TRIM2: variants seen among roughly 807,000 people sequenced by gnomAD.
TRIM2 encodes the protein tripartite motif containing 2, also known as tripartite motif-containing protein 2.
A neutral mutation model predicts 75.2 loss-of-function variants in TRIM2; 20 were observed. The ratio of observed to expected loss-of-function variants is 0.27; its 90% CI spans 0.19 to 0.39. TRIM2 has a LOEUF of 0.39. Among genes scored for constraint, TRIM2 ranks in the 10% least tolerant of loss-of-function variants. The pLI, the probability that TRIM2 is intolerant of heterozygous loss-of-function variation, is 1.00. For missense variants in TRIM2, 660 were observed against 990.8 expected, an observed-to-expected ratio of 0.67 and a Z score of 4.48; for synonymous variants, 373 against 388.3, an observed-to-expected ratio of 0.96 and a Z score of 0.46.
intron 8 of TRIM2, among the ~76,000 whole-genome samples, chr4:153,320,851 C>T (rs1411832680): frequency 1.3e-5 from 2 of 151,994 alleles, no homozygotes; most frequent in South Asian, 2.1e-4. Flanking sequence ...CAACTGGTCT[C>T]GAACTCCTGA....
intron 1 of TRIM2, among the ~76,000 whole-genome samples, chr4:153,247,692 A>C (rs1315889313): frequency 1.3e-5 from 2 of 150,474 alleles, no homozygotes; most frequent in Admixed American, 6.6e-5. Context: ...AAAAAAAAAA[A>C]AAAAAAAAAC....
chr4:153,187,997 G>A (rs1329234001), intron 1 of TRIM2, among the ~76,000 whole-genome samples: 1 of 152,138 alleles, frequency 6.6e-6, no homozygotes, highest in Non-Finnish European at 1.5e-5. Flanking sequence ...GGACCTCACA[G>A]GCTACAGGAG....
At chr4:153,286,625 T>C (rs1025145851) in intron 3 of TRIM2, among the ~76,000 whole-genome samples, 36 of 152,252 alleles carry the variant, frequency 2.4e-4, no homozygotes, top group African/African-American at 7.5e-4. Flanking sequence ...CTATCCACAG[T>C]ATTCTGTTAT....
chr4:153,250,371 T>C (rs1449998387), intron 1 of TRIM2, among the ~76,000 whole-genome samples: 1 of 152,184 alleles, frequency 6.6e-6, no homozygotes, highest in African/African-American at 2.4e-5. Context: ...CTGCCCACCT[T>C]GGCCTCCAAA....
intron 1 of TRIM2, among the ~76,000 whole-genome samples, chr4:153,173,594 C>T (rs529528234): frequency 1.4e-4 from 21 of 151,530 alleles, no homozygotes; most frequent in African/African-American, 2.2e-4. Context: ...ACCCGGGAGG[C>T]GGAGGTTGCA....
chr4:153,273,442 A>ATTTTTTTTTTTTTT (rs11459214), intron 2 of TRIM2, among the ~76,000 whole-genome samples: 34 of 77,644 alleles, frequency 4.4e-4, no homozygotes, highest in African/African-American at 2.3e-3. Context: ...CGCCCGGCTA[A>ATTTTTTTTTTTTTT]TTTTTTTTTT....
chr4:153,223,521 G>A (rs910725020), intron 1 of TRIM2, among the ~76,000 whole-genome samples: 1 of 152,162 alleles, frequency 6.6e-6, no homozygotes, highest in Non-Finnish European at 1.5e-5. Flanking sequence ...ATTAGAGCAG[G>A]GAGATGGTGA....
intron 6 of TRIM2, among the ~76,000 whole-genome samples, chr4:153,306,613 G>A (rs977333326): frequency 2.6e-5 from 4 of 152,196 alleles, no homozygotes; most frequent in South Asian, 2.1e-4. Context: ...CAGGAGAAAC[G>A]AACAGGCATT....
intron 1 of TRIM2, among the ~76,000 whole-genome samples, chr4:153,174,105 C>T (rs982989470): frequency 6.6e-6 from 1 of 151,696 alleles, no homozygotes; most frequent in Non-Finnish European, 1.5e-5. Flanking sequence ...CTGAAGTGCC[C>T]GATGGCAGAG....
chr4:153,245,422 G>A (rs77830681), intron 1 of TRIM2, among the ~76,000 whole-genome samples: 3,372 of 152,340 alleles, frequency 0.022, 101 homozygotes, highest in East Asian at 0.08. Flanking sequence ...TACTAAAGGT[G>A]TGTCAGCCAT....
At chr4:153,252,951 C>T (rs1579006416) in intron 1 of TRIM2, among the ~76,000 whole-genome samples, 1 of 152,332 alleles carries the variant, frequency 6.6e-6, no homozygotes, top group African/African-American at 2.4e-5. Context: ...TTTCATCATT[C>T]CCTATCTACT....
chr4:153,204,442 C>A, upstream of TRIM2: 1 of 1,480,010 alleles, frequency 6.8e-7, no homozygotes, highest in Non-Finnish European at 9.2e-7. Flanking sequence ...CCCTTTAACT[C>A]GGCAGCTTGA....
chr4:153,161,104 A>C (rs1272621152), intron 1 of TRIM2, among the ~76,000 whole-genome samples: 1 of 152,224 alleles, frequency 6.6e-6, no homozygotes, highest in South Asian at 2.1e-4. Flanking sequence ...TTTACTGCTC[A>C]TTCTCTAGTA....
intron 3 of TRIM2, among the ~76,000 whole-genome samples, chr4:153,289,992 C>T (rs1309697683): frequency 6.6e-6 from 1 of 152,202 alleles, no homozygotes; most frequent in South Asian, 2.1e-4. Context: ...TTAAAGAGAC[C>T]TCCTGAGCAC....
intron 1 of TRIM2, among the ~76,000 whole-genome samples, chr4:153,183,649 G>T (rs949033519): frequency 4.6e-5 from 7 of 152,178 alleles, no homozygotes; most frequent in Admixed American, 2.6e-4. Flanking sequence ...AAACTCATAT[G>T]AGAGGACGGG....
intron 1 of TRIM2, among the ~76,000 whole-genome samples, chr4:153,221,099 C>G (rs1739838662): frequency 6.6e-6 from 1 of 152,142 alleles, no homozygotes; most frequent in African/African-American, 2.4e-5. Context: ...AAATGTCTAT[C>G]AAATGTTAAA....
intron 1 of TRIM2, among the ~76,000 whole-genome samples, chr4:153,184,619 G>A (rs1732408693): frequency 1.3e-5 from 2 of 152,120 alleles, no homozygotes; most frequent in South Asian, 4.1e-4. Context: ...CCCCAGTGTG[G>A]CCTGGCTTTT....
chr4:153,283,861 CTTTTTTTTTT>C (rs71598257), intron 3 of TRIM2, among the ~76,000 whole-genome samples: 1 of 53,256 alleles, frequency 1.9e-5, no homozygotes, highest in African/African-American at 8.5e-5. Flanking sequence ...TGGCCTTGAT[CTTTTTTTTTT>C]TTTTTTTTTT....
At chr4:153,261,990 C>G (rs1315623086) in intron 1 of TRIM2, among the ~76,000 whole-genome samples, 3 of 152,140 alleles carry the variant, frequency 2.0e-5, no homozygotes, top group African/African-American at 7.2e-5. Context: ...TATTTTTATG[C>G]CCAAGGATTT....
Sources: gnomAD v4.1 joint callset for allele counts (sites outside exome capture counted in the v4.1 genomes callset) on GRCh38, gnomAD v4.1.1 for gene constraint, MANE v1.5 for transcripts, NCBI Gene and HGNC (gene_info 2026-07-23, HGNC 2026-07-21) for gene names.